The following ERICH3 variants were observed in gnomAD, a reference collection of about 807,000 sequenced individuals.
The protein encoded by ERICH3 is glutamate-rich protein 3.
Under a neutral mutation model 131.1 loss-of-function variants are expected in ERICH3, and 126 were observed. The observed-to-expected ratio is 0.96, with a 90% confidence interval of 0.83 to 1.11. The LOEUF is 1.11. ERICH3 is among the 50% of genes most tolerant of loss of function. ERICH3 has a pLI of 0.00. For missense variants in ERICH3, 2,050 were observed against 1,810.7 expected (o/e 1.13, Z -2.40); for synonymous variants, 695 against 644.6 (o/e 1.08, Z -1.18).
chr1:74,604,053 C>A (rs1648271498), intron 10 of ERICH3, among the ~76,000 whole-genome samples: 1 of 151,908 alleles, frequency 6.6e-6, no homozygotes, highest in African/African-American at 2.4e-5. Flanking sequence ...TGGGCTCAAT[C>A]CTCTCAAATC....
At chr1:74,665,289 C>T (rs779172203) in intron 1 of ERICH3, among the ~76,000 whole-genome samples, 3 of 151,182 alleles carry the variant, frequency 2.0e-5, no homozygotes, top group South Asian at 2.1e-4. Context: ...GGCTCCCCAA[C>T]CTCCAGAGCC....
In ERICH3 at chr1:74,612,540, G is replaced by C. The variant is rs74093463; in HGVS notation, c.1187+83C>G. The C allele has an allele frequency of 4.8e-4, 592 of 1,242,742 alleles. No individual in the cohort carries two copies. The African/African-American group carries it at 7.8e-3, about 16-fold the overall frequency. 77.0% of individuals were successfully genotyped at this position (1,242,742 alleles called of 1,614,324 possible). On this transcript the variant is annotated intron_variant, in intron 9 of 14. Transcript: ENST00000326665. ...TCTATACTGAATTTCCTTAATAATT[G>C]TGAAGAGAAATGCATTAGTAAAGGC...
At chr1:74,588,335 G>A (rs1647430325) in intron 12 of ERICH3, among the ~76,000 whole-genome samples, 1 of 151,984 alleles carries the variant, frequency 6.6e-6, no homozygotes, top group Non-Finnish European at 1.5e-5. Flanking sequence ...CCTTTGTCTG[G>A]TGGTGTGCCA....
chr1:74,614,366 CTAAAAAAAAAAAAAA>C (rs1193038244), intron 8 of ERICH3, among the ~76,000 whole-genome samples: 1 of 102,516 alleles, frequency 9.8e-6, no homozygotes, highest in Non-Finnish European at 1.9e-5. Context: ...CATTTTTTCC[CTAAAAAAAAAAAAAA>C]AAAAAAAACT....
rs765485840 is a variant in ERICH3, at chr1:74,571,365, C to G, written c.4345G>C (p.Glu1449Gln). 9 of 1,613,930 alleles carry G rather than the reference C, an allele frequency of 5.6e-6. No homozygotes were observed. The African/African-American group carries it at 1.1e-4, about 19-fold the overall frequency. Residue 1449 changes from glutamate (E) to glutamine (Q), a missense_variant, in exon 14 of 15, where the codon GAG becomes CAG. Coordinates refer to ENST00000326665, the MANE Select transcript of ERICH3 (RefSeq NM_001002912.5). ...GCCTCCTGGCCCTCTGACCCTTCCT[C>G]TTGCTCCTGTCCTAGCCCTGAGGTC... The part of the protein sequence containing the change: ...RKTSGLGQEQ[E>Q]EGSEGQEAAT...
Position 74,572,873 on chromosome 1 carries a change from T to G in ERICH3, c.2837A>C (p.Glu946Ala), listed in dbSNP as rs770473623. ...CTCTAGGTCTATGGATGCTTCCTCT[T>G]CACTTTCTCCGACATCACTCACAGC... ...GVAVSDVGESEEEASIDLEDT... is the reference protein window; with the variant it reads ...GVAVSDVGESAEEASIDLEDT... The change falls in exon 14 of 15, where the codon GAA becomes GCA. Residue 946 changes from glutamate to alanine, a missense_variant. Glu to Ala is a moderately radical substitution (Grantham distance 107, BLOSUM62 -1). Transcript: ENST00000326665. The G allele has an allele frequency of 1.1e-5, 17 of 1,613,930 alleles. No homozygotes were observed. The highest frequency in any genetic ancestry group is 1.3e-5 in the Non-Finnish European group (15 of 1,179,996).
At position 74,571,620 on chromosome 1, in the gene ERICH3, C is replaced by G; in HGVS notation, c.4090G>C (p.Glu1364Gln). 6.2e-7 allele frequency: 1 copy of G among 1,614,186 alleles called. No individual in the cohort carries two copies. Among genetic ancestry groups the G allele is most frequent in the Non-Finnish European group, 8.5e-7 (1 of 1,180,014 alleles). Residue 1364 changes from glutamate (E) to glutamine (Q), a missense_variant, in exon 14 of 15, where the codon GAG becomes CAG. Physicochemically the swap from Glu to Gln is conservative, Grantham distance 29. Coordinates refer to ENST00000326665, the MANE Select transcript of ERICH3 (RefSeq NM_001002912.5). ...AEEREVLAGS[E>Q]TAEEKTIANK... The stretch of plus-strand genomic sequence containing the variant: ...GCTATTGTTTTCTCCTCGGCTGTCT[C>G]CGAACCTGCCAACACCTCCCTCTCC...
rs902248392 is a variant in ERICH3, at chr1:74,569,542, G to C, written c.*916C>G. The C allele has an allele frequency of 1.3e-5, 2 of 152,150 alleles. No homozygotes were observed. Among genetic ancestry groups the C allele is most frequent in the African/African-American group, 4.8e-5 (2 of 41,432 alleles). 9.4% of individuals were successfully genotyped at this position (152,150 alleles called of 1,614,324 possible). The stretch of plus-strand genomic sequence containing the variant: ...GTTTGAAATAACAGAACTTGGGAAG[G>C]TGAGCAGCACACTCATTTAATCCAA... On this transcript the variant is annotated 3_prime_UTR_variant, in exon 15 of 15. Coordinates refer to ENST00000326665, the MANE Select transcript of ERICH3 (RefSeq NM_001002912.5).
At chr1:74,580,014 A>T in intron 12 of ERICH3, 1 of 461,486 alleles carries the variant, frequency 2.2e-6, no homozygotes, top group Non-Finnish European at 2.8e-6. Flanking sequence ...TATAAAAACA[A>T]ATATATTTTA....
chr1:74,586,307 T>C, intron 12 of ERICH3: 1 of 757,460 alleles, frequency 1.3e-6, no homozygotes, highest in Non-Finnish European at 1.6e-6. Flanking sequence ...TTTCCATCTA[T>C]ACATAAAAAT....
In ERICH3 at chr1:74,569,905, T is replaced by C. The variant is rs1646915981; in HGVS notation, c.*553A>G. 1 of 152,238 alleles carries C rather than the reference T, an allele frequency of 6.6e-6. No homozygotes were observed. The allele number at this position is 152,238 out of a possible 1,614,324, so 9.4% of individuals were successfully genotyped here. ...ATATACATGCCAAGAAATCTTTTGC[T>C]GGAAGAACTTAGAGATTTGGAGCAA... On this transcript the variant is annotated 3_prime_UTR_variant, in exon 15 of 15. Transcript: ENST00000326665.
At position 74,606,600 on chromosome 1, in the gene ERICH3, C is replaced by A; in HGVS notation, c.1489+1G>T. 6.3e-7 allele frequency: 1 copy of A among 1,596,810 alleles called. No homozygotes were observed. Among genetic ancestry groups the A allele is most frequent in the South Asian group, 1.1e-5 (1 of 88,258 alleles). ...CAAAAGAAACTTGTGTTGTTGATTA[C>A]CATATTTTAAAGTATTTTCCTGGTC... On this transcript the variant is annotated splice_donor_variant, in intron 10 of 14. Coordinates refer to ENST00000326665, the MANE Select transcript of ERICH3 (RefSeq NM_001002912.5). LOFTEE classifies it high-confidence loss of function.
intron 8 of ERICH3, 93 bp from the exon 9 acceptor site, chr1:74,612,902 A>G (rs1648768870): frequency 8.9e-7 from 1 of 1,122,088 alleles, no homozygotes; most frequent in Non-Finnish European, 1.2e-6. Flanking sequence ...ACACAATATT[A>G]TGATCTAGAT....
chr1:74,657,260 C>T lies in ERICH3; in HGVS notation c.24-7945G>A, dbSNP rs557267050. On this transcript the variant is annotated intron_variant, in intron 1 of 14. Coordinates refer to ENST00000326665, the MANE Select transcript of ERICH3 (RefSeq NM_001002912.5). ...TTTCTTGTGTTTGAAAAAATGGTGC[C>T]TTTGTGGCATGCTACATATTGCATT... 3.6e-3 allele frequency among the ~76,000 whole-genome samples: 546 copies of T among 152,036 alleles called. 2 individuals carry two copies. Among genetic ancestry groups the T allele is most frequent in the Non-Finnish European group, 5.8e-3 (393 of 67,958 alleles).
At chr1:74,581,963 C>T (rs532422539) in intron 12 of ERICH3, among the ~76,000 whole-genome samples, 4 of 152,252 alleles carry the variant, frequency 2.6e-5, no homozygotes, top group South Asian at 2.1e-4. Flanking sequence ...TAATTCACTG[C>T]GTTACTTTTC....
chr1:74,624,904 T>G (rs923812998), intron 7 of ERICH3: 1 of 135,716 alleles, frequency 7.4e-6, no homozygotes, highest in Non-Finnish European at 1.6e-5. Flanking sequence ...TAGCTGGGAT[T>G]ACAGGTGTTA....
intron 7 of ERICH3, among the ~76,000 whole-genome samples, chr1:74,628,289 G>C (rs1649482160): frequency 6.6e-6 from 1 of 152,106 alleles, no homozygotes; most frequent in Non-Finnish European, 1.5e-5. Flanking sequence ...AGTTTCACTT[G>C]GAGAAACACT....
intron 1 of ERICH3, among the ~76,000 whole-genome samples, chr1:74,672,651 T>A (rs1367785869): frequency 6.6e-6 from 1 of 152,230 alleles, no homozygotes; most frequent in Non-Finnish European, 1.5e-5. Flanking sequence ...GTGCCTTCAA[T>A]TTAATTGCAA....
Position 74,576,895 on chromosome 1 carries a change from C to T in ERICH3, c.2218G>A (p.Ala740Thr). The change falls in exon 13 of 15, where the codon GCA becomes ACA. Residue 740 changes from alanine to threonine, a missense_variant and splice_region_variant. Physicochemically the swap from Ala to Thr is moderately conservative, Grantham distance 58. Coordinates refer to ENST00000326665, the MANE Select transcript of ERICH3 (RefSeq NM_001002912.5). ...GACCTCTTGCAGATGGAATACTTACCACCAAGAGCCAGGACATAGGCTAAT... is the reference window on the plus strand; with the variant it reads ...GACCTCTTGCAGATGGAATACTTACTACCAAGAGCCAGGACATAGGCTAAT... ...LPLAYVLALG[A>T]PTMNFMVDET... is the part of the protein sequence containing the mutation. 1 of 1,600,014 alleles carries T rather than the reference C, an allele frequency of 6.2e-7. No individual in the cohort carries two copies. The highest frequency in any genetic ancestry group is 2.2e-5 in the East Asian group (1 of 44,672).
Sources: allele counts gnomAD v4.1 joint callset (sites outside exome capture counted in the v4.1 genomes callset), GRCh38; gene constraint gnomAD v4.1.1; transcripts MANE v1.5; gene names NCBI Gene and HGNC (gene_info 2026-07-23, HGNC 2026-07-21).